The following MROH7 variants were observed in gnomAD, a reference collection of about 807,000 sequenced individuals.
MROH7 encodes the protein maestro heat-like repeat-containing protein family member 7.
MROH7 carries 113 observed loss-of-function variants against 129.2 expected under a neutral mutation model. That is an observed-to-expected ratio of 0.87 (90% CI 0.75 to 1.02). MROH7 has a LOEUF of 1.02. MROH7 is among the 50% of genes least tolerant of loss of function. MROH7 has a pLI of 0.00. For missense variants in MROH7, 1,601 were observed against 1,671.3 expected, an observed-to-expected ratio of 0.96 and a Z score of 0.73; for synonymous variants, 655 against 667.9, an observed-to-expected ratio of 0.98 and a Z score of 0.30.
chr1:54,701,528 T>C (rs1327524830), intron 19 of MROH7, among the ~76,000 whole-genome samples: 1 of 152,194 alleles, frequency 6.6e-6, no homozygotes, highest in Non-Finnish European at 1.5e-5. Flanking sequence ...AGCTCTTCTT[T>C]CACAATCGAG....
At chr1:54,665,376 C>T (rs565172588) in intron 4 of MROH7, 136 bp downstream of exon 4, 17 of 615,244 alleles carry the variant, frequency 2.8e-5, no homozygotes, top group Admixed American at 1.2e-4. Flanking sequence ...CATTCATTGC[C>T]GTCTGATGTG....
chr1:54,670,920 G>T lies in MROH7; in HGVS notation c.1590G>T (p.Glu530Asp). 2 of 1,604,176 alleles carry T rather than the reference G, an allele frequency of 1.2e-6. No homozygotes were observed. The highest frequency in any genetic ancestry group is 2.2e-5 in the South Asian group (2 of 89,216). Residue 530 changes from glutamate to aspartate, a missense_variant, in exon 7 of 24, where the codon GAG (glutamate) becomes GAT (aspartate). Glu to Asp is a conservative substitution (Grantham distance 45, BLOSUM62 2). Coordinates refer to ENST00000421030, the MANE Select transcript of MROH7 (RefSeq NM_001039464.4). ...AMQEKDEAKAETIQALYHQTL... is the reference protein window; with the variant it reads ...AMQEKDEAKADTIQALYHQTL... ...AGGAGAAGGACGAGGCCAAGGCTGA[G>T]ACCATCCAGGTGAGGCGGGACCTTC...
At chr1:54,684,737 A>G (rs1645120489) in intron 14 of MROH7, among the ~76,000 whole-genome samples, 1 of 152,198 alleles carries the variant, frequency 6.6e-6, no homozygotes, top group Non-Finnish European at 1.5e-5. Flanking sequence ...GCCTCACTAT[A>G]TAACCGTGGT....
chr1:54,647,614 C>T (rs1431145230), intron 1 of MROH7, among the ~76,000 whole-genome samples: 1 of 152,054 alleles, frequency 6.6e-6, no homozygotes, highest in Non-Finnish European at 1.5e-5. Context: ...GTGGCATGCA[C>T]CTGTAATCCC....
intron 23 of MROH7, 112 bp downstream of exon 23, chr1:54,709,188 C>T (rs190534663): frequency 2.0e-6 from 2 of 1,021,478 alleles, no homozygotes; most frequent in African/African-American, 1.6e-5. Flanking sequence ...GGGTCTTCAA[C>T]TCAGTTCAGT....
At chr1:54,689,261 A>T (rs528960499) in intron 15 of MROH7, among the ~76,000 whole-genome samples, 1 of 152,308 alleles carries the variant, frequency 6.6e-6, no homozygotes, top group Non-Finnish European at 1.5e-5. Flanking sequence ...AGAGTGAGTG[A>T]TGTGGTCACA....
At chr1:54,661,347 G>A (rs1373944190) in intron 3 of MROH7, among the ~76,000 whole-genome samples, 1 of 151,926 alleles carries the variant, frequency 6.6e-6, no homozygotes, top group Non-Finnish European at 1.5e-5. Flanking sequence ...TGAGTAGCTG[G>A]GATTACAGGC....
At chr1:54,699,126 C>CT (rs1227234201) in intron 17 of MROH7, 1 of 91,726 alleles carries the variant, frequency 1.1e-5, no homozygotes, top group Non-Finnish European at 2.3e-5. Flanking sequence ...TTCTTTCTTT[C>CT]TTTCTTTCTT....
At chr1:54,647,740 T>G (rs1644488234) in intron 1 of MROH7, among the ~76,000 whole-genome samples, 1 of 26,152 alleles carries the variant, frequency 3.8e-5, no homozygotes, top group Non-Finnish European at 1.6e-4. Flanking sequence ...AACTCTGTAT[T>G]GAAAAAAAAA....
At chr1:54,661,218 T>A (rs1198082849) in intron 3 of MROH7, among the ~76,000 whole-genome samples, 2 of 152,210 alleles carry the variant, frequency 1.3e-5, no homozygotes, top group Non-Finnish European at 2.9e-5. Context: ...AAATTAATTT[T>A]AAACTTTTTA....
chr1:54,663,896 G>A (rs1569887578), intron 3 of MROH7: 1 of 395,700 alleles, frequency 2.5e-6, no homozygotes, highest in East Asian at 7.5e-5. Context: ...TACAATTGGT[G>A]TATCTACTTC....
At chr1:54,681,521 A>G (rs982063332) in intron 13 of MROH7, among the ~76,000 whole-genome samples, 7 of 152,232 alleles carry the variant, frequency 4.6e-5, no homozygotes, top group East Asian at 3.8e-4. Context: ...CATTATTACC[A>G]TAAGTAATGT....
intron 1 of MROH7, 124 bp downstream of exon 1, chr1:54,642,092 A>C (rs1204357643): frequency 6.6e-6 from 1 of 152,114 alleles, no homozygotes; most frequent in East Asian, 1.9e-4. Context: ...AGATGCAGGG[A>C]GGGAATGCCA....
At chr1:54,669,731 G>T (rs1253809145) in intron 5 of MROH7, among the ~76,000 whole-genome samples, 1 of 152,176 alleles carries the variant, frequency 6.6e-6, no homozygotes, top group Non-Finnish European at 1.5e-5. Flanking sequence ...CAGGTGTGGT[G>T]GCTCACGTCT....
chr1:54,665,441 A>G (rs1214922258), intron 4 of MROH7, among the ~76,000 whole-genome samples: 5 of 152,204 alleles, frequency 3.3e-5, no homozygotes, highest in Admixed American at 6.5e-5. Flanking sequence ...ACAAGGACAT[A>G]TCCTCCATTA....
chr1:54,657,869 C>A (rs901454810), intron 3 of MROH7, among the ~76,000 whole-genome samples: 5 of 152,064 alleles, frequency 3.3e-5, no homozygotes, highest in Admixed American at 2.0e-4. Flanking sequence ...CCTTGTTGGC[C>A]AGGCTACTCT....
Position 54,702,155 on chromosome 1 carries a change from A to T in MROH7, c.3351A>T (p.Ala1117=). Residue 1117 remains alanine (A), a synonymous_variant, in exon 20 of 24, where the codon GCA becomes GCT. Coordinates refer to ENST00000421030, the MANE Select transcript of MROH7 (RefSeq NM_001039464.4). ...GGAAGGTGGTCCAGAAGCTTCGGGC[A>T]CCACGCACTCAGGCCATGGAGGAGC... ...LYGKVVQKLR[A]PRTQAMEEQL... is the part of the protein sequence containing the mutation. 1.2e-6 allele frequency: 2 copies of T among 1,611,510 alleles called. No homozygotes were observed. Among genetic ancestry groups the T allele is most frequent in the Non-Finnish European group, 8.5e-7 (1 of 1,178,970 alleles).
chr1:54,650,882 C>T (rs930590593), intron 1 of MROH7, among the ~76,000 whole-genome samples: 6 of 152,104 alleles, frequency 3.9e-5, no homozygotes, highest in African/African-American at 1.4e-4. Flanking sequence ...TGCCACCACA[C>T]CCAGCTAATT....
chr1:54,649,976 C>T (rs1557688563), intron 1 of MROH7, among the ~76,000 whole-genome samples: 2 of 152,214 alleles, frequency 1.3e-5, no homozygotes, highest in South Asian at 2.1e-4. Flanking sequence ...TGTGCAGGAA[C>T]TGCTTGCTTG....
Sources: gnomAD v4.1 joint callset for allele counts (sites outside exome capture counted in the v4.1 genomes callset) on GRCh38, gnomAD v4.1.1 for gene constraint, MANE v1.5 for transcripts, NCBI Gene and HGNC (gene_info 2026-07-23, HGNC 2026-07-21) for gene names.